THBS1: variants seen among roughly 807,000 people sequenced by gnomAD.
The protein encoded by THBS1 is thrombospondin-1.
In THBS1, 29 loss-of-function variants were observed where a neutral mutation model predicts 126.1. The observed-to-expected ratio is 0.23, with a 90% CI of 0.17 to 0.31. THBS1 has a LOEUF of 0.31. THBS1 is among the 10% of genes least tolerant of loss of function. The probability of loss-of-function intolerance (pLI) is 1.00; values close to 1 mark genes in which losing one functional copy is unlikely to be tolerated. For missense variants in THBS1, 1,198 were observed against 1,545.2 expected (o/e 0.78, Z 3.77); for synonymous variants, 496 against 577.8 (o/e 0.86, Z 2.03).
Position 39,596,044 on chromosome 15 carries a change from C to A in THBS1, c.*675C>A. The A allele has an allele frequency of 2.7e-6, 1 of 368,444 alleles. No individual in the cohort carries two copies. Among genetic ancestry groups the A allele is most frequent in the African/African-American group, 2.1e-5 (1 of 47,284 alleles). The allele number at this position is 368,444 out of a possible 1,614,324, so 22.8% of individuals were successfully genotyped here. ...TTCTGGACTTCCTCCCTGATCCCCA[C>A]CCTTACTCATCACCTGCAGTGGCCA... is the stretch of plus-strand genomic sequence containing the variant. On this transcript the variant is annotated 3_prime_UTR_variant, in exon 22 of 22. Transcript: ENST00000260356.
At chr15:39,584,465 GT>G (rs1890173473) in intron 6 of THBS1, 43 bp downstream of exon 6, 1 of 1,610,648 alleles carries the variant, frequency 6.2e-7, no homozygotes, top group Non-Finnish European at 8.5e-7. Flanking sequence ...GACGGCTTTT[GT>G]TTGAACCTAC....
At position 39,594,446 on chromosome 15, in the gene THBS1, A is replaced by C. The variant is rs771188263; in HGVS notation, c.3505+6A>C. The stretch of plus-strand genomic sequence containing the variant: ...CCTGAAATACGAATGTAGAGGTAAG[A>C]GCAACATCACCATGAATGTACACTG... On this transcript the variant is annotated splice_donor_region_variant and intron_variant, in intron 21 of 21. Coordinates refer to ENST00000260356, the MANE Select transcript of THBS1 (RefSeq NM_003246.4). This position sits in a 1 kb window ranked among gnomAD's most constrained non-coding sequence, Gnocchi z 4.4. 7 of 1,613,696 alleles carry C rather than the reference A, an allele frequency of 4.3e-6. No homozygotes were observed. The highest frequency in any genetic ancestry group is 5.9e-6 in the Non-Finnish European group (7 of 1,179,778).
chr15:39,584,312 A>G lies in THBS1; in HGVS notation c.916A>G (p.Lys306Glu). 6.2e-7 allele frequency: 1 copy of G among 1,614,268 alleles called. No homozygotes were observed. The highest frequency in any genetic ancestry group is 8.5e-7 in the Non-Finnish European group (1 of 1,180,050). Residue 306 changes from lysine to glutamate, a missense_variant, in exon 6 of 22, where the codon AAA (lysine) becomes GAA (glutamate). Transcript: ENST00000260356. ...CTCTCCCATTTAGACTGAAGAGAAC[A>G]AAGAGTTGGCCAATGAGCTGAGGCG... Reference protein sequence around the residue: ...DSIRKVTEENKELANELRRPP... With the variant: ...DSIRKVTEENEELANELRRPP...
At chr15:39,583,572 A>AC in intron 3 of THBS1, 45 bp from the exon 4 acceptor site, 1 of 783,558 alleles carries the variant, frequency 1.3e-6, no homozygotes, top group Non-Finnish European at 2.1e-6. Context: ...CCCCATCCCC[A>AC]CCCCGCTCTG....
intron 16 of THBS1, among the ~76,000 whole-genome samples, chr15:39,591,943 A>C (rs941406877): frequency 6.6e-6 from 1 of 152,246 alleles, no homozygotes; most frequent in African/African-American, 2.4e-5. Context: ...ACAACTGTAC[A>C]ATAATATTAA....
chr15:39,597,124 T>C lies in THBS1; in HGVS notation c.*1755T>C, dbSNP rs1465378757. 6.6e-6 allele frequency: 1 copy of C among 152,184 alleles called. No individual in the cohort carries two copies. Among genetic ancestry groups the C allele is most frequent in the African/African-American group, 2.4e-5 (1 of 41,462 alleles). The allele number at this position is 152,184 out of a possible 1,614,324, so 9.4% of individuals were successfully genotyped here. A position where few individuals can be genotyped will look rare whatever the true frequency, so the allele number is the denominator to read the frequency against. On this transcript the variant is annotated 3_prime_UTR_variant, in exon 22 of 22. Transcript: ENST00000260356. ...CCATTGCTTTATTTTTATAAATTATTTTCTCATTGCCATTGGAATAGATAT... is the reference window on the plus strand; with the variant it reads ...CCATTGCTTTATTTTTATAAATTATCTTCTCATTGCCATTGGAATAGATAT...
intron 7 of THBS1, 93 bp from the exon 8 acceptor site, chr15:39,587,254 C>A (rs1412528925): frequency 1.6e-6 from 2 of 1,281,316 alleles, no homozygotes; most frequent in Non-Finnish European, 2.1e-6. Flanking sequence ...TTGCTTTTCA[C>A]CCTCTGGCAA....
In THBS1 at chr15:39,588,450, G is replaced by A. The variant is rs1890253107; in HGVS notation, c.1472-76G>A. 10 of 1,493,964 alleles carry A rather than the reference G, an allele frequency of 6.7e-6. 1 individual carries two copies. The South Asian group carries it at 1.1e-4, about 16-fold the overall frequency. The allele number at this position is 1,493,964 out of a possible 1,614,324, so 92.5% of individuals were successfully genotyped here. A position where few individuals can be genotyped will look rare whatever the true frequency, so the allele number is the denominator to read the frequency against. The stretch of plus-strand genomic sequence containing the variant: ...CAGAGAAGCAGAGGTTTCTTGAACG[G>A]GCTTAGGAGAGTCTATGACAAGGGA... On this transcript the variant is annotated intron_variant, in intron 9 of 21. Coordinates refer to ENST00000260356, the MANE Select transcript of THBS1 (RefSeq NM_003246.4).
At position 39,589,881 on chromosome 15, in the gene THBS1, A is replaced by G. The variant is rs1890292122; in HGVS notation, c.2003A>G (p.His668Arg). 3 of 1,614,074 alleles carry G rather than the reference A, an allele frequency of 1.9e-6. No homozygotes were observed. The highest frequency in any genetic ancestry group is 2.2e-5 in the East Asian group (1 of 44,894). ...AACGCCAAGTGCAACTACCTGGGCC[A>G]CTATAGCGACCCCATGTACCGCTGC... ...NKNAKCNYLG[H>R]YSDPMYRCEC... Residue 668 changes from histidine to arginine, a missense_variant, in exon 13 of 22, where the codon CAC (histidine) becomes CGC (arginine). His to Arg is a conservative substitution (Grantham distance 29). This residue lies in a region of THBS1 where 663 missense variants were observed against 860.1 expected (regional missense o/e 0.77). Coordinates refer to ENST00000260356, the MANE Select transcript of THBS1 (RefSeq NM_003246.4). This position sits in a 1 kb window ranked among gnomAD's most constrained non-coding sequence, Gnocchi z 4.7.
At position 39,582,523 on chromosome 15, in the gene THBS1, C is replaced by T. The variant is rs376615256; in HGVS notation, c.398C>T (p.Thr133Ile). The T allele has an allele frequency of 7.9e-5, 128 of 1,614,034 alleles. No homozygotes were observed. Among genetic ancestry groups the T allele is most frequent in the Non-Finnish European group, 1.0e-4 (120 of 1,180,032 alleles). ...GKAGTLDLSL[T>I]VQGKQHVVSV... ...GCGGGCACCCTGGACCTCAGCCTGACCGTCCAAGGAAAGCAGCACGTGGTG... is the reference window on the plus strand; with the variant it reads ...GCGGGCACCCTGGACCTCAGCCTGATCGTCCAAGGAAAGCAGCACGTGGTG... The change falls in exon 3 of 22, where the codon ACC (threonine) becomes ATC (isoleucine). Residue 133 changes from threonine (T) to isoleucine (I), a missense_variant. By Grantham distance (89) the Thr-to-Ile change is moderately conservative. This residue lies in a region of THBS1 where 271 missense variants were observed against 277.0 expected (regional missense o/e 0.98). Coordinates refer to ENST00000260356, the MANE Select transcript of THBS1 (RefSeq NM_003246.4).
rs757882041 is a variant in THBS1 at position 39,588,711 on chromosome 15, A to G, written c.1645+12A>G. 2 of 1,558,126 alleles carry G rather than the reference A, an allele frequency of 1.3e-6. No homozygotes were observed. Among genetic ancestry groups the G allele is most frequent in the East Asian group, 4.5e-5 (2 of 44,360 alleles). ...GGACTGTCCAATTGGTGAGCCACGCAGCCCAGGATGAAACGACCCAGGAGC... is the reference window on the plus strand; with the variant it reads ...GGACTGTCCAATTGGTGAGCCACGCGGCCCAGGATGAAACGACCCAGGAGC... On this transcript the variant is annotated intron_variant, in intron 10 of 21. Transcript: ENST00000260356.
rs146709945 is a variant in THBS1, at chr15:39,594,634, C to T, written c.3505+194C>T. 3.2e-3 allele frequency among the ~76,000 whole-genome samples: 487 copies of T among 152,296 alleles called. No individual in the cohort carries two copies. The highest frequency in any genetic ancestry group is 9.5e-3 in the African/African-American group (396 of 41,548). ...GGCTTATGAGTTCCTGAGTCCTTAG[C>T]TATAATATTAGTTTGCTTAGCAATC... On this transcript the variant is annotated intron_variant, in intron 21 of 21. Coordinates refer to ENST00000260356, the MANE Select transcript of THBS1 (RefSeq NM_003246.4). This position sits in a 1 kb window ranked among gnomAD's most constrained non-coding sequence, Gnocchi z 4.4.
Position 39,587,533 on chromosome 15 carries a change from G to T in THBS1, c.1294+13G>T. 6.2e-7 allele frequency: 1 copy of T among 1,604,324 alleles called. No individual in the cohort carries two copies. Among genetic ancestry groups the T allele is most frequent in the Non-Finnish European group, 8.5e-7 (1 of 1,173,642 alleles). On this transcript the variant is annotated intron_variant, in intron 8 of 21. Transcript: ENST00000260356. ...TGTGACAAGAGATGTAAGCATCTTA[G>T]CCTCTCAGGGACGTGGAGAACTGAC...
chr15:39,594,038 G>A lies in THBS1; in HGVS notation c.3268-61G>A. ...TTTCAAGCATTGTTTCTGATGGAAT[G>A]AAATAGAAATCTTTACCTGAAGGAG... On this transcript the variant is annotated intron_variant, in intron 19 of 21. Transcript: ENST00000260356. The surrounding 1 kb of genome is among the most constrained non-coding windows in gnomAD (Gnocchi z 4.4). The A allele has an allele frequency of 6.6e-7, 1 of 1,510,664 alleles. No homozygotes were observed. Among genetic ancestry groups the A allele is most frequent in the Non-Finnish European group, 9.0e-7 (1 of 1,108,860 alleles). The allele number at this position is 1,510,664 out of a possible 1,614,324, so 93.6% of individuals were successfully genotyped here. A position where few individuals can be genotyped will look rare whatever the true frequency, so the allele number is the denominator to read the frequency against.
At position 39,592,568 on chromosome 15, in the gene THBS1, C is replaced by A. The variant is rs1269626127; in HGVS notation, c.2533C>A (p.Leu845Met). Residue 845 changes from leucine (L) to methionine (M), a missense_variant and splice_region_variant, in exon 17 of 22, where the codon CTG becomes ATG. Transcript: ENST00000260356. The surrounding 1 kb of genome is among the most constrained non-coding windows in gnomAD (Gnocchi z 4.3). ...CCCTCCATTTACATCTCTCTTTCAG[C>A]TGGACTCTGACTCAGACCGCATTGG... ...NCPLEHNPDQ[L>M]DSDSDRIGDT... The A allele has an allele frequency of 1.2e-6, 2 of 1,610,352 alleles. No homozygotes were observed. Among genetic ancestry groups the A allele is most frequent in the Non-Finnish European group, 1.7e-6 (2 of 1,177,990 alleles).
chr15:39,593,489 C>T lies in THBS1; in HGVS notation c.3088C>T (p.Gln1030Ter). ...DDYAGFVFGY[Q>*]SSSRFYVVMW... Reference sequence around the variant, plus strand: ...CTATGCTGGATTTGTCTTTGGCTACCAGTCCAGCAGCCGCTTTTATGTTGT... The same window carrying T: ...CTATGCTGGATTTGTCTTTGGCTACTAGTCCAGCAGCCGCTTTTATGTTGT... Residue 1030 changes from glutamine to a stop codon, truncating the protein, a stop_gained, in exon 19 of 22, where the codon CAG becomes TAG. Coordinates refer to ENST00000260356, the MANE Select transcript of THBS1 (RefSeq NM_003246.4). LOFTEE classifies it high-confidence loss of function. This position sits in a 1 kb window ranked among gnomAD's most constrained non-coding sequence, Gnocchi z 5.9. 1 of 1,614,184 alleles carries T rather than the reference C, an allele frequency of 6.2e-7. No homozygotes were observed. Among genetic ancestry groups the T allele is most frequent in the Non-Finnish European group, 8.5e-7 (1 of 1,180,036 alleles).
chr15:39,584,799 G>T (rs1890180301), intron 6 of THBS1, among the ~76,000 whole-genome samples: 1 of 152,048 alleles, frequency 6.6e-6, no homozygotes. Context: ...TTTTAGTACA[G>T]TAGCAATTGT....
rs367736106 is a variant in THBS1, at chr15:39,582,681, G to A, written c.556G>A (p.Val186Ile). The A allele has an allele frequency of 2.7e-5, 44 of 1,613,586 alleles. No individual in the cohort carries two copies. The highest frequency in any genetic ancestry group is 1.1e-4 in the East Asian group (5 of 44,880). Residue 186 changes from valine (V) to isoleucine (I), a missense_variant, in exon 3 of 22, where the codon GTC (valine) becomes ATC (isoleucine). Val to Ile is a conservative substitution (Grantham distance 29). This residue lies in a region of THBS1 where 271 missense variants were observed against 277.0 expected (regional missense o/e 0.98). Transcript: ENST00000260356. ...TGAGTTGGACGTCCCCATCCAAAGC[G>A]TCTTCACCAGAGACCTGGCCAGCAT... The part of the protein sequence containing the change: ...NAELDVPIQS[V>I]FTRDLASIAR...
At position 39,589,099 on chromosome 15, in the gene THBS1, T is replaced by C. The variant is rs2140347501; in HGVS notation, c.1773+13T>C. 1.9e-6 allele frequency: 3 copies of C among 1,613,390 alleles called. No homozygotes were observed. The highest frequency in any genetic ancestry group is 2.5e-6 in the Non-Finnish European group (3 of 1,179,292). ...AGATGTTGATGAGGTGAGGAACTGA[T>C]GGGGCTCCGAGTTTCTGGATCTAGG... is the stretch of plus-strand genomic sequence containing the variant. On this transcript the variant is annotated intron_variant, in intron 11 of 21. Coordinates refer to ENST00000260356, the MANE Select transcript of THBS1 (RefSeq NM_003246.4). The surrounding 1 kb of genome is among the most constrained non-coding windows in gnomAD (Gnocchi z 4.7).
Sources: allele counts gnomAD v4.1 joint callset (sites outside exome capture counted in the v4.1 genomes callset), GRCh38; gene constraint gnomAD v4.1.1; regional missense constraint gnomAD v4.1.1; non-coding constraint Gnocchi (gnomAD v3.1); transcripts MANE v1.5; gene names NCBI Gene and HGNC (gene_info 2026-07-23, HGNC 2026-07-21).